Variants in LHFPL3 observed in about 807,000 individuals in gnomAD.
The protein encoded by LHFPL3 is LHFPL tetraspan subfamily member 3, also known as LHFPL tetraspan subfamily member 3 protein.
LHFPL3 carries 5 observed loss-of-function variants against 19.3 expected under a neutral mutation model. The observed-to-expected ratio is 0.26, with a 90% confidence interval of 0.14 to 0.54. The LOEUF is 0.54. LHFPL3 is among the 20% of genes least tolerant of loss of function. LHFPL3 has a pLI of 0.94. For missense variants in LHFPL3, 249 were observed against 307.4 expected (o/e 0.81, Z 1.42); for synonymous variants, 133 against 126.2 (o/e 1.05, Z -0.36).
chr7:104,703,195 T>A (rs780541837), intron 1 of LHFPL3, among the ~76,000 whole-genome samples: 2 of 152,222 alleles, frequency 1.3e-5, no homozygotes, highest in African/African-American at 4.8e-5. Flanking sequence ...AGGCTTTTTA[T>A]CACCGAACTG....
chr7:104,728,395 C>T (rs1793629138), intron 1 of LHFPL3, among the ~76,000 whole-genome samples: 1 of 152,130 alleles, frequency 6.6e-6, no homozygotes, highest in African/African-American at 2.4e-5. Context: ...GAAACAGTAA[C>T]CTGCCATGAT....
At chr7:104,904,123 A>G (rs1253957589) in intron 2 of LHFPL3, among the ~76,000 whole-genome samples, 1 of 152,218 alleles carries the variant, frequency 6.6e-6, no homozygotes, top group African/African-American at 2.4e-5. Flanking sequence ...TAGACTAATC[A>G]TCATTATGAC....
intron 1 of LHFPL3, among the ~76,000 whole-genome samples, chr7:104,493,086 T>G (rs145716111): frequency 3.9e-5 from 6 of 152,318 alleles, no homozygotes; most frequent in Non-Finnish European, 7.3e-5. Context: ...CACATACTCT[T>G]TAACCCTATG....
chr7:104,335,449 T>C (rs1789780838), intron 1 of LHFPL3, among the ~76,000 whole-genome samples: 1 of 152,226 alleles, frequency 6.6e-6, no homozygotes, highest in Non-Finnish European at 1.5e-5. Context: ...TTCCCTTATA[T>C]GTAATGTGAC....
At chr7:104,858,323 A>G (rs1791548914) in intron 2 of LHFPL3, among the ~76,000 whole-genome samples, 1 of 152,008 alleles carries the variant, frequency 6.6e-6, no homozygotes. Flanking sequence ...CATTGTCATC[A>G]CCCCAGGTTG....
chr7:104,822,200 TGGAA>T (rs1790688528), intron 2 of LHFPL3, among the ~76,000 whole-genome samples: 1 of 152,206 alleles, frequency 6.6e-6, no homozygotes, highest in African/African-American at 2.4e-5. Flanking sequence ...TGACTTTCGT[TGGAA>T]GGGTCTTTCT....
At chr7:104,508,142 A>G (rs1363820204) in intron 1 of LHFPL3, among the ~76,000 whole-genome samples, 1 of 152,082 alleles carries the variant, frequency 6.6e-6, no homozygotes, top group Non-Finnish European at 1.5e-5. Flanking sequence ...TCATGCTGCT[A>G]TAAAGACACG....
At chr7:104,786,851 TC>T (rs1789926712) in intron 2 of LHFPL3, among the ~76,000 whole-genome samples, 1 of 152,188 alleles carries the variant, frequency 6.6e-6, no homozygotes, top group Admixed American at 6.5e-5. Context: ...GAATGCAATT[TC>T]ATTACTAAAA....
chr7:104,699,797 A>G (rs1793067228), intron 1 of LHFPL3, among the ~76,000 whole-genome samples: 1 of 152,184 alleles, frequency 6.6e-6, no homozygotes. Context: ...GCTTTGGTGC[A>G]AGGCCCTTGG....
At chr7:104,547,737 G>T (rs1794599683) in intron 1 of LHFPL3, among the ~76,000 whole-genome samples, 1 of 152,154 alleles carries the variant, frequency 6.6e-6, no homozygotes, top group African/African-American at 2.4e-5. Flanking sequence ...ATAGCAAAAG[G>T]CATGAAAAAT....
chr7:104,510,573 G>A (rs555068791), intron 1 of LHFPL3, among the ~76,000 whole-genome samples: 1 of 152,188 alleles, frequency 6.6e-6, no homozygotes, highest in South Asian at 2.1e-4. Context: ...ATATAAAACT[G>A]TAAAACCTTT....
chr7:104,567,063 T>G (rs77542149), intron 1 of LHFPL3, among the ~76,000 whole-genome samples: 1 of 152,334 alleles, frequency 6.6e-6, no homozygotes, highest in Non-Finnish European at 1.5e-5. Context: ...CAGCTATATA[T>G]TTTCCATAGC....
intron 2 of LHFPL3, among the ~76,000 whole-genome samples, chr7:104,739,773 T>C (rs1793897994): frequency 1.3e-5 from 2 of 152,306 alleles, no homozygotes; most frequent in South Asian, 4.1e-4. Flanking sequence ...TGACTTTCAG[T>C]GTCATGGAAG....
At chr7:104,871,010 T>C (rs1028934584) in intron 2 of LHFPL3, among the ~76,000 whole-genome samples, 3 of 152,144 alleles carry the variant, frequency 2.0e-5, no homozygotes, top group African/African-American at 4.8e-5. Context: ...GAGCAAACAA[T>C]AGCACTTGAC....
intron 1 of LHFPL3, among the ~76,000 whole-genome samples, chr7:104,647,684 G>A (rs1249907536): frequency 1.3e-5 from 2 of 152,228 alleles, no homozygotes; most frequent in Admixed American, 6.5e-5. Context: ...AAACTTCACA[G>A]TGCACAAATC....
chr7:104,771,934 G>A (rs1794560715), intron 2 of LHFPL3, among the ~76,000 whole-genome samples: 1 of 145,022 alleles, frequency 6.9e-6, no homozygotes, highest in East Asian at 2.1e-4. Flanking sequence ...CGATCCTCCT[G>A]CCTCAGCCTC....
At chr7:104,629,729 G>A (rs1791606748) in intron 1 of LHFPL3, among the ~76,000 whole-genome samples, 2 of 152,118 alleles carry the variant, frequency 1.3e-5, no homozygotes, top group South Asian at 4.1e-4. Context: ...ACAGTAACTG[G>A]CCAGTGTGTG....
intron 2 of LHFPL3, among the ~76,000 whole-genome samples, chr7:104,836,038 G>A (rs928400756): frequency 6.6e-6 from 1 of 151,798 alleles, no homozygotes; most frequent in African/African-American, 2.4e-5. Flanking sequence ...TAGTGACCAA[G>A]TAGCTACCCT....
intron 1 of LHFPL3, among the ~76,000 whole-genome samples, chr7:104,664,794 A>T (rs966533482): frequency 1.3e-5 from 2 of 152,186 alleles, no homozygotes; most frequent in African/African-American, 4.8e-5. Flanking sequence ...TTACTGAACC[A>T]CCTTGTCCTG....
Sources: gnomAD v4.1 joint callset for allele counts (sites outside exome capture counted in the v4.1 genomes callset) on GRCh38, gnomAD v4.1.1 for gene constraint, MANE v1.5 for transcripts, NCBI Gene and HGNC (gene_info 2026-07-23, HGNC 2026-07-21) for gene names.